Variants in MYO3A observed in about 807,000 individuals in gnomAD.
MYO3A encodes myosin-IIIa.
MYO3A carries 180 observed loss-of-function variants against 192.7 expected under a neutral mutation model. That is an observed-to-expected ratio of 0.93 (90% confidence interval 0.83 to 1.06). The LOEUF (loss-of-function observed/expected upper bound fraction) is 1.06, where lower values mean the gene tolerates loss of function less well. Ranked by LOEUF, MYO3A falls within the 50% of genes least tolerant of loss-of-function variation. The pLI, the probability that MYO3A is intolerant of heterozygous loss-of-function variation, is 0.00. For missense variants in MYO3A, 1,896 were observed against 1,905.0 expected (o/e 1.00, Z 0.09); for synonymous variants, 628 against 645.3 (o/e 0.97, Z 0.41).
Position 25,986,184 on chromosome 10 carries a change from T to C in MYO3A, c.304-10306T>C, listed in dbSNP as rs1839641393. Among the ~76,000 whole-genome samples, 3 of 152,000 alleles carry C rather than the reference T, an allele frequency of 2.0e-5. No homozygotes were observed. In the South Asian group the frequency reaches 6.2e-4, roughly 32 times the overall value. On this transcript the variant is annotated intron_variant, in intron 4 of 34. Transcript: ENST00000642920. ...TTTATGATTAAAGCCCTCAGGAAAA[T>C]TGGCATAGAAAGGAAATACCTTAAG...
At chr10:26,204,911 A>C (rs1360482943) in intron 34 of MYO3A, among the ~76,000 whole-genome samples, 3 of 152,232 alleles carry the variant, frequency 2.0e-5, no homozygotes, top group Non-Finnish European at 4.4e-5. Flanking sequence ...CAGCCTTGAC[A>C]GTATCCTGAA....
intron 20 of MYO3A, among the ~76,000 whole-genome samples, chr10:26,136,125 C>T (rs1014091568): frequency 1.3e-5 from 2 of 152,124 alleles, no homozygotes; most frequent in Admixed American, 6.6e-5. Flanking sequence ...TGTACAAAGA[C>T]AGCATCACAA....
At chr10:26,170,628 A>C in intron 29 of MYO3A, 89 bp downstream of exon 29, 4 of 1,418,684 alleles carry the variant, frequency 2.8e-6, no homozygotes, top group Non-Finnish European at 3.9e-6. Flanking sequence ...CCTTTCTTGT[A>C]CTAGTCAGGT....
At chr10:26,128,583 A>G (rs200269762) in intron 20 of MYO3A, 45 bp downstream of exon 20, 17 of 1,549,762 alleles carry the variant, frequency 1.1e-5, no homozygotes, top group Admixed American at 1.7e-5. Context: ...TGCATGTATT[A>G]TAGGCAGACT....
intron 4 of MYO3A, among the ~76,000 whole-genome samples, chr10:25,980,200 G>T (rs4634980): frequency 0.044 from 6,530 of 149,290 alleles, 180 homozygotes; most frequent in Middle Eastern, 0.07. Flanking sequence ...TCGCACCACT[G>T]CACTCCAGCC....
chr10:25,957,942 T>G (rs1426309038), intron 4 of MYO3A, among the ~76,000 whole-genome samples: 1 of 152,184 alleles, frequency 6.6e-6, no homozygotes, highest in Admixed American at 6.5e-5. Flanking sequence ...AGGTTGTTTG[T>G]TTTTTCCTTC....
intron 15 of MYO3A, among the ~76,000 whole-genome samples, chr10:26,089,183 T>A (rs1564536794): frequency 6.6e-6 from 1 of 152,240 alleles, no homozygotes; most frequent in South Asian, 2.1e-4. Context: ...TTTATATTAG[T>A]ACATTATTAT....
chr10:26,002,247 C>T (rs990305443), intron 6 of MYO3A, among the ~76,000 whole-genome samples: 3 of 152,224 alleles, frequency 2.0e-5, no homozygotes, highest in Admixed American at 6.5e-5. Flanking sequence ...TCCCTCTCCT[C>T]TGCACTGTTA....
chr10:26,136,757 C>T (rs1195564622), intron 20 of MYO3A, among the ~76,000 whole-genome samples: 13 of 152,314 alleles, frequency 8.5e-5, no homozygotes, highest in African/African-American at 3.1e-4. Context: ...GCAGCTCACA[C>T]CTGTAATGCC....
chr10:26,166,329 A>G, intron 27 of MYO3A, 151 bp downstream of exon 27: 1 of 736,558 alleles, frequency 1.4e-6, no homozygotes, highest in East Asian at 2.7e-5. Flanking sequence ...ACTCATAAAG[A>G]TTTTCTTTTT....
intron 20 of MYO3A, among the ~76,000 whole-genome samples, chr10:26,138,117 CT>C (rs2131815777): frequency 6.6e-6 from 1 of 152,306 alleles, no homozygotes; most frequent in African/African-American, 2.4e-5. Flanking sequence ...TTGTGACCTA[CT>C]CCCTGTTCTT....
intron 14 of MYO3A, among the ~76,000 whole-genome samples, chr10:26,086,434 G>C (rs1312118587): frequency 6.6e-6 from 1 of 152,164 alleles, no homozygotes; most frequent in Non-Finnish European, 1.5e-5. Flanking sequence ...GAGAGCACTA[G>C]GAGCTTCTGG....
intron 2 of MYO3A, among the ~76,000 whole-genome samples, chr10:25,945,334 G>A (rs574566347): frequency 6.6e-6 from 1 of 152,172 alleles, no homozygotes; most frequent in South Asian, 2.1e-4. Flanking sequence ...AGAAAAATGT[G>A]TATTCTGTCA....
intron 22 of MYO3A, among the ~76,000 whole-genome samples, chr10:26,146,063 C>T (rs1285758830): frequency 6.6e-6 from 1 of 152,116 alleles, no homozygotes; most frequent in Admixed American, 6.5e-5. Flanking sequence ...GCTGGAGGTA[C>T]AGTCAGATAA....
At chr10:26,159,940 T>TG (rs1371307786) in intron 26 of MYO3A, among the ~76,000 whole-genome samples, 1 of 152,044 alleles carries the variant, frequency 6.6e-6, no homozygotes, top group Non-Finnish European at 1.5e-5. Flanking sequence ...AAAATGGAAT[T>TG]TTTTTATTGG....
intron 31 of MYO3A, among the ~76,000 whole-genome samples, chr10:26,185,798 C>T (rs966738264): frequency 6.6e-6 from 1 of 152,028 alleles, no homozygotes; most frequent in African/African-American, 2.4e-5. Flanking sequence ...TGCAGATGTG[C>T]ATACATGTAG....
chr10:25,966,022 A>G (rs183287830), intron 4 of MYO3A, among the ~76,000 whole-genome samples: 75 of 150,912 alleles, frequency 5.0e-4, no homozygotes, highest in African/African-American at 1.8e-3. Context: ...ACCAGATACT[A>G]TGGGTGCTCA....
chr10:26,145,408 A>G (rs1237516004), intron 21 of MYO3A, 38 bp from the exon 22 acceptor site: 1 of 1,387,842 alleles, frequency 7.2e-7, no homozygotes, highest in Non-Finnish European at 1.0e-6. Flanking sequence ...TGAGGATCTC[A>G]TACATGCTTG....
intron 22 of MYO3A, among the ~76,000 whole-genome samples, chr10:26,145,904 G>A (rs1235958493): frequency 6.6e-6 from 1 of 152,236 alleles, no homozygotes; most frequent in Non-Finnish European, 1.5e-5. Flanking sequence ...ATCCTTCGGT[G>A]AGATTAGCTG....
Sources: allele counts gnomAD v4.1 joint callset (sites outside exome capture counted in the v4.1 genomes callset), GRCh38; gene constraint gnomAD v4.1.1; transcripts MANE v1.5; gene names NCBI Gene and HGNC (gene_info 2026-07-23, HGNC 2026-07-21).